Variants in ANKRD36 observed in about 807,000 individuals in gnomAD.
ANKRD36 encodes the protein ankyrin repeat domain 36.
Under a neutral mutation model 278.1 loss-of-function variants are expected in ANKRD36, and 179 were observed. That is an observed-to-expected ratio of 0.64 (90% CI 0.57 to 0.73). The LOEUF (loss-of-function observed/expected upper bound fraction) is 0.73. Ranked by LOEUF, ANKRD36 falls within the 30% of genes least tolerant of loss-of-function variation. The pLI is 0.00. For missense variants in ANKRD36, 1,159 were observed against 1,956.7 expected, an observed-to-expected ratio of 0.59 and a Z score of 7.69; for synonymous variants, 320 against 641.1, an observed-to-expected ratio of 0.50 and a Z score of 7.57.
chr2:97,157,402 A>C (rs1348982846), intron 15 of ANKRD36, among the ~76,000 whole-genome samples: 6 of 149,696 alleles, frequency 4.0e-5, no homozygotes, highest in African/African-American at 7.4e-5. Context: ...GTTTAAAAAT[A>C]ACTTACCTCA....
At chr2:97,207,080 T>C (rs1558782677) in intron 52 of ANKRD36, among the ~76,000 whole-genome samples, 3 of 151,606 alleles carry the variant, frequency 2.0e-5, no homozygotes, top group Admixed American at 1.3e-4. Flanking sequence ...GTAGCAGTCT[T>C]ACTTTGTATG....
intron 44 of ANKRD36, among the ~76,000 whole-genome samples, chr2:97,198,893 G>A (rs1351859995): frequency 1.3e-5 from 2 of 151,796 alleles, no homozygotes; most frequent in African/African-American, 2.4e-5. Flanking sequence ...AATATGGAGA[G>A]CAGTTCAAGG....
intron 26 of ANKRD36, among the ~76,000 whole-genome samples, chr2:97,182,661 C>G (rs1403722591): frequency 6.6e-6 from 1 of 150,750 alleles, no homozygotes; most frequent in Non-Finnish European, 1.5e-5. Context: ...TTCTTATTTT[C>G]AATGAATATT....
chr2:97,137,492 C>A (rs1476221716), intron 6 of ANKRD36, among the ~76,000 whole-genome samples: 1 of 151,724 alleles, frequency 6.6e-6, no homozygotes, highest in Non-Finnish European at 1.5e-5. Context: ...CTATGTTGCC[C>A]AGTCTGTTCT....
chr2:97,195,478 G>C (rs376578396), intron 40 of ANKRD36, among the ~76,000 whole-genome samples: 2 of 151,864 alleles, frequency 1.3e-5, no homozygotes, highest in Non-Finnish European at 1.5e-5. Flanking sequence ...TGGAACATTT[G>C]CATAAACAAT....
chr2:97,203,546 G>C (rs1237002401), intron 48 of ANKRD36, among the ~76,000 whole-genome samples: 6 of 151,834 alleles, frequency 4.0e-5, no homozygotes, highest in Non-Finnish European at 5.9e-5. Context: ...CCAAGGTGAT[G>C]AATGTAGGAC....
At chr2:97,167,070 C>CG (rs1052556919) in intron 20 of ANKRD36, among the ~76,000 whole-genome samples, 5 of 98,506 alleles carry the variant, frequency 5.1e-5, no homozygotes, top group Non-Finnish European at 6.6e-5. Context: ...GTAATGTATA[C>CG]TTTTTTGCAT....
chr2:97,261,002 T>G (rs2076694420), intron 75 of ANKRD36, among the ~76,000 whole-genome samples: 1 of 128,988 alleles, frequency 7.8e-6, no homozygotes, highest in Admixed American at 8.3e-5. Context: ...GGATTCAGCT[T>G]TGGCTTAGCG....
chr2:97,232,150 T>C (rs1184701223), intron 67 of ANKRD36, among the ~76,000 whole-genome samples: 4 of 152,080 alleles, frequency 2.6e-5, no homozygotes, highest in Admixed American at 6.5e-5. Context: ...TATTAAACTT[T>C]AATTATTTTA....
intron 68 of ANKRD36, among the ~76,000 whole-genome samples, chr2:97,237,281 C>CT (rs1292300808): frequency 6.7e-6 from 1 of 149,896 alleles, no homozygotes; most frequent in Non-Finnish European, 1.5e-5. Flanking sequence ...TACCAGTATC[C>CT]TTCACCATAG....
rs769268850 is a variant in ANKRD36, at chr2:97,194,906, T to C, written c.2540T>C (p.Ile847Thr). 1 of 1,553,688 alleles carries C rather than the reference T, an allele frequency of 6.4e-7. No homozygotes were observed. The highest frequency in any genetic ancestry group is 1.2e-5 in the South Asian group (1 of 84,616). ...NITRGKKDGEISRKVSSQKPP... is the reference protein window; with the variant it reads ...NITRGKKDGETSRKVSSQKPP... Reference sequence around the variant, plus strand: ...ACCAGAGGAAAAAAGGATGGAGAAATATCTAGGAAAGGTAATTTTGCGAAA... The same window carrying C: ...ACCAGAGGAAAAAAGGATGGAGAAACATCTAGGAAAGGTAATTTTGCGAAA... The change falls in exon 40 of 76, where the codon ATA becomes ACA. Residue 847 changes from isoleucine (I) to threonine (T), a missense_variant. By Grantham distance (89) the Ile-to-Thr change is moderately conservative. Transcript: ENST00000420699.
rs556849121 is a variant in ANKRD36 at position 97,248,570 on chromosome 2, G to A, written c.5560-574G>A. ...AATTTTCTTGTTGTTTCCCTAGAAA[G>A]GAAAGATGATGCTTAGTTTTAAATA... On this transcript the variant is annotated intron_variant, in intron 72 of 75. Coordinates refer to ENST00000420699, the MANE Select transcript of ANKRD36 (RefSeq NM_001354587.1). 2.4e-5 allele frequency: 3 copies of A among 124,606 alleles called. No individual in the cohort carries two copies. In the East Asian group the frequency reaches 9.3e-4, roughly 39 times the overall value. The allele number at this position is 124,606 out of a possible 1,614,324, so 7.7% of individuals were successfully genotyped here.
At chr2:97,170,367 A>G (rs2153516354) in intron 22 of ANKRD36, among the ~76,000 whole-genome samples, 1 of 152,156 alleles carries the variant, frequency 6.6e-6, no homozygotes, top group African/African-American at 2.4e-5. Flanking sequence ...CTATAGATCA[A>G]TGGAACAGAA....
rs2043798108 is a variant in ANKRD36, at chr2:97,144,656, A to T, written c.947A>T (p.Asp316Val). The T allele has an allele frequency of 1.3e-6, 2 of 1,544,008 alleles. No homozygotes were observed. The highest frequency in any genetic ancestry group is 1.7e-6 in the Non-Finnish European group (2 of 1,147,100). ...QPALKDTSDK[D>V]DSVSNTATEI... Reference sequence around the variant, plus strand: ...CCCACTCAGGATACAAGTGACAAGGATGATTCTGTTTCGAACACAGCCACA... The same window carrying T: ...CCCACTCAGGATACAAGTGACAAGGTTGATTCTGTTTCGAACACAGCCACA... Residue 316 changes from aspartate (D) to valine (V), a missense_variant, in exon 10 of 76, where the codon GAT (aspartate) becomes GTT (valine). By Grantham distance (152) the Asp-to-Val change is radical. Transcript: ENST00000420699.
intron 69 of ANKRD36, among the ~76,000 whole-genome samples, chr2:97,243,201 C>T (rs1396955177): frequency 1.4e-5 from 2 of 144,754 alleles, no homozygotes; most frequent in South Asian, 2.3e-4. Flanking sequence ...TGGTTTTATA[C>T]ATTTTAGAGA....
chr2:97,256,295 T>C (rs1416160100), intron 75 of ANKRD36, among the ~76,000 whole-genome samples: 2 of 151,570 alleles, frequency 1.3e-5, no homozygotes, highest in Non-Finnish European at 2.9e-5. Flanking sequence ...AGGCGGAGGC[T>C]GCAGTTAGCT....
In ANKRD36 at chr2:97,141,789, T is replaced by A. The variant is rs372091894; in HGVS notation, c.800-851T>A. 1.8e-3 allele frequency among the ~76,000 whole-genome samples: 273 copies of A among 151,932 alleles called. 4 individuals are homozygous for A. In the East Asian group the frequency reaches 0.018, roughly 10 times the overall value. ...CATGATACTTCAAACCAGACTATTT[T>A]AGAAACAAAAATAATGTTGAATTCA... On this transcript the variant is annotated intron_variant, in intron 6 of 75. Coordinates refer to ENST00000420699, the MANE Select transcript of ANKRD36 (RefSeq NM_001354587.1).
intron 6 of ANKRD36, among the ~76,000 whole-genome samples, chr2:97,140,575 A>T (rs972261963): frequency 1.3e-5 from 2 of 152,018 alleles, no homozygotes; most frequent in Non-Finnish European, 2.9e-5. Context: ...ACTCAAACCA[A>T]TGTGAGTGAA....
chr2:97,173,723 T>G (rs2053378324), intron 22 of ANKRD36, among the ~76,000 whole-genome samples: 1 of 151,600 alleles, frequency 6.6e-6, no homozygotes, highest in African/African-American at 2.4e-5. Context: ...AATTTGGAGG[T>G]TTCTGATGAG....
Sources: gnomAD v4.1 joint callset for allele counts (sites outside exome capture counted in the v4.1 genomes callset) on GRCh38, gnomAD v4.1.1 for gene constraint, MANE v1.5 for transcripts, NCBI Gene and HGNC (gene_info 2026-07-23, HGNC 2026-07-21) for gene names.